ELN: variants seen among roughly 807,000 people sequenced by gnomAD.
ELN encodes tropoelastin.
A neutral mutation model predicts 105.8 loss-of-function variants in ELN; 65 were observed. That is an observed-to-expected ratio of 0.61 (90% CI 0.50 to 0.75). ELN has a LOEUF of 0.75. Among genes scored for constraint, ELN ranks in the 30% least tolerant of loss-of-function variants. The pLI is 0.00. For missense variants in ELN, 882 were observed against 969.4 expected (o/e 0.91, Z 1.20); for synonymous variants, 368 against 389.2 (o/e 0.95, Z 0.64).
intron 1 of ELN, among the ~76,000 whole-genome samples, chr7:74,034,847 T>A (rs1554664554): frequency 6.6e-6 from 1 of 152,138 alleles, no homozygotes; most frequent in Admixed American, 6.6e-5. Context: ...ACACCTGTAA[T>A]CCCAGCACTT....
chr7:74,068,880 G>GC lies in ELN; in HGVS notation c.*184dup. ...GGAAACAAGAGGGGAGCGGCCAAGTGCCCCGACCAGGAGGCCCCCTACTTC... is the reference window on the plus strand; with the variant it reads ...GGAAACAAGAGGGGAGCGGCCAAGTGCCCCCGACCAGGAGGCCCCCTACTTC... On this transcript the variant is annotated 3_prime_UTR_variant, in exon 33 of 33. Coordinates refer to ENST00000252034, the MANE Select transcript of ELN (RefSeq NM_000501.4). 1 of 722,766 alleles carries GC rather than the reference G, an allele frequency of 1.4e-6. No individual in the cohort carries two copies. Among genetic ancestry groups the GC allele is most frequent in the Non-Finnish European group, 2.4e-6 (1 of 418,822 alleles). The allele number at this position is 722,766 out of a possible 1,614,324, so 44.8% of individuals were successfully genotyped here. A position where few individuals can be genotyped will look rare whatever the true frequency, so the allele number is the denominator to read the frequency against.
chr7:74,061,760 G>A (rs1280814244), intron 26 of ELN, among the ~76,000 whole-genome samples: 1 of 152,148 alleles, frequency 6.6e-6, no homozygotes, highest in East Asian at 1.9e-4. Flanking sequence ...TTCAACCCCT[G>A]TGACCACCAA....
chr7:74,048,396 T>C, intron 14 of ELN, 107 bp from the exon 15 acceptor site: 1 of 1,547,934 alleles, frequency 6.5e-7, no homozygotes, highest in South Asian at 1.1e-5. Flanking sequence ...AGCTCCCATG[T>C]ATACCCACAT....
Position 74,029,648 on chromosome 7 carries a change from G to A in ELN, c.82+1379G>A, listed in dbSNP as rs373086121. Among the ~76,000 whole-genome samples the A allele has an allele frequency of 1.8e-4, 28 of 152,268 alleles. No individual in the cohort carries two copies. The East Asian group carries it at 2.9e-3, about 16-fold the overall frequency. ...GCTGCTGGACCTGGATGAGGCCAAG[G>A]GACATGGGTACCCACAGGCGGGCCC... On this transcript the variant is annotated intron_variant, in intron 1 of 32. Coordinates refer to ENST00000252034, the MANE Select transcript of ELN (RefSeq NM_000501.4).
rs542051024 is a variant in ELN at position 74,063,112 on chromosome 7, G to A, written c.1787-41G>A. The A allele has an allele frequency of 1.3e-5, 21 of 1,575,056 alleles. No homozygotes were observed. Among genetic ancestry groups the A allele is most frequent in the African/African-American group, 8.1e-5 (6 of 74,508 alleles). ...TGTCCCTGGGGCAGGGAGACCCATC[G>A]TTCAGAAATGGAACACTCATTTTCC... On this transcript the variant is annotated intron_variant, in intron 26 of 32. Coordinates refer to ENST00000252034, the MANE Select transcript of ELN (RefSeq NM_000501.4). The surrounding 1 kb of genome is among the most constrained non-coding windows in gnomAD (Gnocchi z 4.1).
chr7:74,035,581 G>C (rs1789739441), intron 2 of ELN, 167 bp downstream of exon 2: 1 of 830,362 alleles, frequency 1.2e-6, no homozygotes, highest in Admixed American at 2.0e-5. Flanking sequence ...GCTATTAAGA[G>C]CATACAGGCT....
At chr7:74,059,019 T>G (rs1464137575) in intron 22 of ELN, among the ~76,000 whole-genome samples, 1 of 151,968 alleles carries the variant, frequency 6.6e-6, no homozygotes, top group Non-Finnish European at 1.5e-5. Flanking sequence ...ACTCCTAGCT[T>G]AAGCCATTAT....
At chr7:74,068,540 G>A (rs1220226286) in intron 32 of ELN, 117 bp from the exon 33 acceptor site, 8 of 1,297,474 alleles carry the variant, frequency 6.2e-6, no homozygotes, top group Non-Finnish European at 7.7e-6. Flanking sequence ...CTGGGGCCAT[G>A]ACTTGGCTTC....
chr7:74,056,401 C>T lies in ELN; in HGVS notation c.1281C>T (p.Pro427=), dbSNP rs376496267. The T allele has an allele frequency of 1.5e-5, 24 of 1,613,452 alleles. No homozygotes were observed. The highest frequency in any genetic ancestry group is 5.0e-5 in the Admixed American group (3 of 59,938). The part of the protein sequence containing the change: ...VAGVPGVGGV[P]GVGGVPGVGI... ...GTGTCCCTGGTGTCGGAGGTGTTCCCGGAGTCGGAGGTGTCCCGGGAGTTG... is the reference window on the plus strand; with the variant it reads ...GTGTCCCTGGTGTCGGAGGTGTTCCTGGAGTCGGAGGTGTCCCGGGAGTTG... The change falls in exon 20 of 33, where the codon CCC becomes CCT. Residue 427 remains proline (P), a synonymous_variant. Coordinates refer to ENST00000252034, the MANE Select transcript of ELN (RefSeq NM_000501.4).
At chr7:74,054,040 G>A (rs1205438100) in intron 18 of ELN, among the ~76,000 whole-genome samples, 2 of 152,134 alleles carry the variant, frequency 1.3e-5, no homozygotes, top group Non-Finnish European at 2.9e-5. Context: ...GTGGAATGGT[G>A]GGCAAGCAAA....
chr7:74,031,434 T>C (rs1788628073), intron 1 of ELN, among the ~76,000 whole-genome samples: 2 of 152,192 alleles, frequency 1.3e-5, no homozygotes, highest in Admixed American at 6.5e-5. Flanking sequence ...TTAGTGCACA[T>C]TGCTAAGGTT....
At chr7:74,057,829 CT>C in intron 22 of ELN, 133 bp downstream of exon 22, 1 of 1,012,780 alleles carries the variant, frequency 9.9e-7, no homozygotes, top group Non-Finnish European at 1.5e-6. Context: ...GTGGGCCCTC[CT>C]TAGACCTTTT....
In ELN at chr7:74,042,965, A is replaced by C; in HGVS notation, c.326-19A>C. 3.7e-6 allele frequency: 6 copies of C among 1,613,844 alleles called. No individual in the cohort carries two copies. The highest frequency in any genetic ancestry group is 5.1e-6 in the Non-Finnish European group (6 of 1,179,964). On this transcript the variant is annotated intron_variant, in intron 6 of 32. Transcript: ENST00000252034. ...CCCACTGTTCCTTACGCAATGCCTC[A>C]CCTGTCCTGGCTCTGCAGGCGCTGG...
chr7:74,046,267 C>G (rs781901096), intron 11 of ELN, 50 bp downstream of exon 11: 10 of 1,613,602 alleles, frequency 6.2e-6, no homozygotes, highest in Admixed American at 3.3e-5. Flanking sequence ...GGCAGAGGCT[C>G]TGGCGTTGGG....
chr7:74,049,380 CTCCATGCATCCATCCATCT>C, intron 15 of ELN, among the ~76,000 whole-genome samples: 1 of 145,680 alleles, frequency 6.9e-6, no homozygotes, highest in East Asian at 2.2e-4. Context: ...CCATCCATTC[CTCCATGCATCCATCCATCT>C]ATGCACCCAT....
chr7:74,056,151 T>G, intron 19 of ELN, 120 bp from the exon 20 acceptor site: 1 of 1,396,402 alleles, frequency 7.2e-7, no homozygotes, highest in Non-Finnish European at 1.0e-6. Flanking sequence ...GTTTTCTGTC[T>G]TTTATGGACA....
At chr7:74,055,887 A>G (rs1554679280) in intron 19 of ELN, among the ~76,000 whole-genome samples, 1 of 152,064 alleles carries the variant, frequency 6.6e-6, no homozygotes, top group Non-Finnish European at 1.5e-5. Context: ...TCTGGGTTCA[A>G]GTGATTCTCC....
At chr7:74,028,410 C>A (rs1554660269) in intron 1 of ELN, 141 bp downstream of exon 1, 7 of 964,356 alleles carry the variant, frequency 7.3e-6, no homozygotes, top group Non-Finnish European at 1.1e-5. Flanking sequence ...CCACTGGGTC[C>A]TCGGAACTGC....
intron 30 of ELN, 83 bp downstream of exon 30, chr7:74,065,815 G>A: frequency 1.2e-6 from 2 of 1,610,742 alleles, no homozygotes; most frequent in Non-Finnish European, 8.5e-7. Context: ...CCCAGCTCAG[G>A]CCTCCCTCTG....
Sources: gnomAD v4.1 joint callset for allele counts (sites outside exome capture counted in the v4.1 genomes callset) on GRCh38, gnomAD v4.1.1 for gene constraint, Gnocchi (gnomAD v3.1) non-coding constraint, MANE v1.5 for transcripts, NCBI Gene and HGNC (gene_info 2026-07-23, HGNC 2026-07-21) for gene names.